GSDMB: variants seen among roughly 807,000 people sequenced by gnomAD.
The protein encoded by GSDMB is gasdermin B.
In GSDMB, 32 loss-of-function variants were observed where a neutral mutation model predicts 42.9. The ratio of observed to expected loss-of-function variants is 0.75; its 90% CI spans 0.56 to 1.00. GSDMB has a LOEUF of 1.00. Ranked by LOEUF, GSDMB falls within the 50% of genes least tolerant of loss-of-function variation. The pLI, the probability that GSDMB is intolerant of heterozygous loss-of-function variation, is 0.00. For missense variants in GSDMB, 468 were observed against 498.5 expected, an observed-to-expected ratio of 0.94 and a Z score of 0.58; for synonymous variants, 175 against 193.7, an observed-to-expected ratio of 0.90 and a Z score of 0.80.
At chr17:39,910,793 T>C (rs1033899007) in intron 3 of GSDMB, among the ~76,000 whole-genome samples, 1 of 152,114 alleles carries the variant, frequency 6.6e-6, no homozygotes, top group Admixed American at 6.5e-5. Context: ...AAGACATGGG[T>C]CCCTGCCTCC....
Position 39,906,125 on chromosome 17 carries a change from C to T in GSDMB, c.874G>A (p.Asp292Asn), listed in dbSNP as rs746853116. The part of the protein sequence containing the change: ...KCLGKEDIRQ[D>N]LEQRVSEVLI... ...GGGTCCCTTACTCTTTGCTCTAGATCCTGCCGAATATCCTCCTTGCCGAGG... is the reference window on the plus strand; with the variant it reads ...GGGTCCCTTACTCTTTGCTCTAGATTCTGCCGAATATCCTCCTTGCCGAGG... Residue 292 changes from aspartate (D) to asparagine (N), a missense_variant, in exon 8 of 11, where the codon GAT becomes AAT. Asp to Asn is a conservative substitution (Grantham distance 23). Coordinates refer to ENST00000418519, the MANE Select transcript of GSDMB (RefSeq NM_001165958.2). 5.0e-6 allele frequency: 8 copies of T among 1,614,070 alleles called. No homozygotes were observed. Among genetic ancestry groups the T allele is most frequent in the South Asian group, 3.3e-5 (3 of 91,088 alleles).
chr17:39,906,606 TGGAGA>T, intron 7 of GSDMB: 1 of 1,304,660 alleles, frequency 7.7e-7, no homozygotes. Flanking sequence ...AATTAGGATT[TGGAGA>T]AAGTTAAAGC....
At chr17:39,906,632 A>C in intron 7 of GSDMB, 1 of 1,297,468 alleles carries the variant, frequency 7.7e-7, no homozygotes, top group Non-Finnish European at 9.8e-7. Flanking sequence ...AGTGGTTCTC[A>C]ACCTTGACTA....
chr17:39,911,775 G>C (rs1167298355), intron 3 of GSDMB, among the ~76,000 whole-genome samples: 1 of 152,150 alleles, frequency 6.6e-6, no homozygotes, highest in Admixed American at 6.6e-5. Context: ...AAGGCAGAGG[G>C]AAACAAGCAC....
intron 7 of GSDMB, chr17:39,906,658 A>C: frequency 8.0e-7 from 1 of 1,256,566 alleles, no homozygotes; most frequent in Non-Finnish European, 1.0e-6. Context: ...GAATCACCTG[A>C]GGAGTTATTA....
rs368626947 is a variant in GSDMB at position 39,904,854 on chromosome 17, G to A, written c.1209C>T (p.Ile403=). The A allele has an allele frequency of 6.9e-5, 112 of 1,613,894 alleles. No homozygotes were observed. Among genetic ancestry groups the A allele is most frequent in the Non-Finnish European group, 8.4e-5 (99 of 1,179,942 alleles). The part of the protein sequence containing the change: ...ILCALYVVVS[I]LLELAEGPTS... ...TAGGCCCCTCAGCCAGCTCCAGCAG[G>A]ATAGAGACAACAACATACAGCGCAC... Residue 403 remains isoleucine (I), a synonymous_variant, in exon 11 of 11, where the codon ATC becomes ATT. Transcript: ENST00000418519.
rs2063480716 is a variant in GSDMB, at chr17:39,905,108, C to G, written c.1099-144G>C. The G allele has an allele frequency of 8.4e-6, 6 of 717,382 alleles. No individual in the cohort carries two copies. The South Asian group carries it at 8.6e-5, about 10-fold the overall frequency. The allele number at this position is 717,382 out of a possible 1,614,324, so 44.4% of individuals were successfully genotyped here. ...ACTCTTTCCTGCAGAGCCCGGAGAG[C>G]TTCATACTCTCTCAACATAGTGGCA... is the stretch of plus-strand genomic sequence containing the variant. On this transcript the variant is annotated intron_variant, in intron 10 of 10. Transcript: ENST00000418519.
intron 9 of GSDMB, 62 bp from the exon 10 acceptor site, chr17:39,905,558 T>C (rs1598272833): frequency 7.7e-7 from 1 of 1,295,056 alleles, no homozygotes; most frequent in East Asian, 2.3e-5. Context: ...CCTCAGTGGC[T>C]GATCACACCC....
At position 39,909,020 on chromosome 17, in the gene GSDMB, G is replaced by C; in HGVS notation, c.599C>G (p.Pro200Arg). Residue 200 changes from proline (P) to arginine (R), a missense_variant, in exon 5 of 11, where the codon CCC (proline) becomes CGC (arginine). Pro to Arg is a moderately radical substitution (Grantham distance 103). Coordinates refer to ENST00000418519, the MANE Select transcript of GSDMB (RefSeq NM_001165958.2). ...KHKGQREVTI[P>R]PNRVLSYRVK... ...TCGATAGCTCAGGACCCGATTTGGGGGGATGGTCACTTCCCTTTGGCCCTA... is the reference window on the plus strand; with the variant it reads ...TCGATAGCTCAGGACCCGATTTGGGCGGATGGTCACTTCCCTTTGGCCCTA... 6.2e-7 allele frequency: 1 copy of C among 1,601,350 alleles called. No homozygotes were observed. Among genetic ancestry groups the C allele is most frequent in the Non-Finnish European group, 8.5e-7 (1 of 1,174,624 alleles).
At chr17:39,913,598 G>A (rs1381890963) in intron 2 of GSDMB, among the ~76,000 whole-genome samples, 3 of 152,190 alleles carry the variant, frequency 2.0e-5, no homozygotes, top group African/African-American at 7.2e-5. Context: ...CAGCCTGGGC[G>A]ACAGCGAGAC....
intron 4 of GSDMB, chr17:39,909,490 A>C (rs1010395408): frequency 4.7e-6 from 2 of 421,904 alleles, no homozygotes; most frequent in African/African-American, 4.0e-5. Context: ...TGAGCCCAGG[A>C]GTTTGAGACC....
intron 2 of GSDMB, among the ~76,000 whole-genome samples, chr17:39,916,092 G>C (rs905830189): frequency 1.3e-5 from 2 of 152,024 alleles, no homozygotes; most frequent in Admixed American, 1.3e-4. Context: ...TGGAATAATT[G>C]ACTCTTCCAT....
At chr17:39,913,830 G>A (rs1435876867) in intron 2 of GSDMB, among the ~76,000 whole-genome samples, 2 of 152,184 alleles carry the variant, frequency 1.3e-5, no homozygotes, top group African/African-American at 2.4e-5. Flanking sequence ...TCCCAGATGG[G>A]AACCTACAGG....
chr17:39,910,005 G>C, intron 3 of GSDMB, 81 bp from the exon 4 acceptor site: 1 of 1,086,258 alleles, frequency 9.2e-7, no homozygotes. Context: ...CTGTGAGCCA[G>C]CTCCTATTGA....
chr17:39,915,619 T>C (rs1205010520), intron 2 of GSDMB, among the ~76,000 whole-genome samples: 2 of 125,962 alleles, frequency 1.6e-5, no homozygotes, highest in Non-Finnish European at 3.3e-5. Flanking sequence ...TTTTTTTTTT[T>C]GAGAGCTGAC....
At chr17:39,906,540 A>G in intron 7 of GSDMB, 6 of 1,354,770 alleles carry the variant, frequency 4.4e-6, no homozygotes, top group Non-Finnish European at 5.7e-6. Context: ...AAAAACAAAA[A>G]CTTGGTTATT....
intron 2 of GSDMB, among the ~76,000 whole-genome samples, chr17:39,913,346 G>A (rs2063648978): frequency 6.6e-6 from 1 of 152,054 alleles, no homozygotes; most frequent in Non-Finnish European, 1.5e-5. Flanking sequence ...GGGTGGGCAC[G>A]GTGGGGTGGC....
intron 3 of GSDMB, 81 bp downstream of exon 3, chr17:39,912,245 G>C: frequency 1.1e-6 from 1 of 936,478 alleles, no homozygotes; most frequent in Non-Finnish European, 1.7e-6. Context: ...TTTAAAAAGA[G>C]CCGGTCTGCC....
intron 2 of GSDMB, among the ~76,000 whole-genome samples, chr17:39,912,934 C>T (rs1236952692): frequency 6.6e-6 from 1 of 151,860 alleles, no homozygotes; most frequent in Non-Finnish European, 1.5e-5. Context: ...GGTGAAACCC[C>T]GTCTCTACTA....
Sources: allele counts gnomAD v4.1 joint callset (sites outside exome capture counted in the v4.1 genomes callset), GRCh38; gene constraint gnomAD v4.1.1; transcripts MANE v1.5; gene names NCBI Gene and HGNC (gene_info 2026-07-23, HGNC 2026-07-21).